The following PPP3CC variants were observed in gnomAD, a reference collection of about 807,000 sequenced individuals.
The protein encoded by PPP3CC is protein phosphatase 3 catalytic subunit gamma, also known as serine/threonine-protein phosphatase 2B catalytic subunit gamma isoform.
Under a neutral mutation model 60.3 loss-of-function variants are expected in PPP3CC, and 35 were observed. That is an observed-to-expected ratio of 0.58 (90% CI 0.44 to 0.77). PPP3CC has a LOEUF of 0.77. Ranked by LOEUF, PPP3CC falls within the 30% of genes least tolerant of loss-of-function variation. The pLI is 0.00. For synonymous variants in PPP3CC, 206 were observed against 224.3 expected (o/e 0.92, Z 0.73); for missense variants, 570 against 628.9 (o/e 0.91, Z 1.00).
At chr8:22,478,024 G>C (rs1837948404) in intron 3 of PPP3CC, among the ~76,000 whole-genome samples, 1 of 152,016 alleles carries the variant, frequency 6.6e-6, no homozygotes, top group South Asian at 2.1e-4. Context: ...CTAATTTTTT[G>C]TATTTTTAGT....
intron 3 of PPP3CC, among the ~76,000 whole-genome samples, chr8:22,483,449 G>C (rs1447035106): frequency 6.6e-6 from 1 of 152,072 alleles, no homozygotes; most frequent in Non-Finnish European, 1.5e-5. Context: ...GCTACGCCCG[G>C]CTAATTTTTT....
chr8:22,517,227 C>G lies in PPP3CC; in HGVS notation c.770+3795C>G, dbSNP rs1586855473. On this transcript the variant is annotated intron_variant, in intron 6 of 13. Transcript: ENST00000240139. ...ATCCCAGGGATAAATCCCATTTAGC[C>G]ACAGTATATAATACTTTTAGTATGT... Among the ~76,000 whole-genome samples, 3 of 152,298 alleles carry G rather than the reference C, an allele frequency of 2.0e-5. No homozygotes were observed. The South Asian group carries it at 6.2e-4, about 32-fold the overall frequency.
chr8:22,461,846 A>G (rs1409086350), intron 1 of PPP3CC, among the ~76,000 whole-genome samples: 2 of 152,234 alleles, frequency 1.3e-5, no homozygotes, highest in East Asian at 3.8e-4. Context: ...TGGAACAGCC[A>G]GTAGTTTTGC....
intron 3 of PPP3CC, chr8:22,492,667 A>G (rs947835634): frequency 1.4e-6 from 1 of 724,494 alleles, no homozygotes; most frequent in South Asian, 1.6e-5. Context: ...TGCAGGCACA[A>G]GTGCGCATTG....
intron 1 of PPP3CC, among the ~76,000 whole-genome samples, chr8:22,473,469 T>TA: frequency 3.1e-5 from 1 of 31,998 alleles, no homozygotes; most frequent in South Asian, 1.1e-3. Context: ...CCTTATCCAC[T>TA]TTTTTTTTTT....
intron 1 of PPP3CC, among the ~76,000 whole-genome samples, chr8:22,452,194 T>A (rs368842410): frequency 2.6e-5 from 4 of 152,230 alleles, no homozygotes; most frequent in African/African-American, 9.6e-5. Flanking sequence ...CATGTCTGGC[T>A]AAATGTTTTA....
At chr8:22,477,835 A>ATATTTATT (rs373116798) in intron 3 of PPP3CC, among the ~76,000 whole-genome samples, 3,632 of 151,346 alleles carry the variant, frequency 0.024, 90 homozygotes, top group East Asian at 0.082. Context: ...AACTTTTAAA[A>ATATTTATT]TATTTATTTA....
At chr8:22,460,970 C>T (rs942818756) in intron 1 of PPP3CC, among the ~76,000 whole-genome samples, 11 of 152,038 alleles carry the variant, frequency 7.2e-5, no homozygotes, top group African/African-American at 1.9e-4. Flanking sequence ...CTTAGCCTCC[C>T]GAGTAGCTGG....
chr8:22,502,984 A>G (rs1838806093), intron 4 of PPP3CC, among the ~76,000 whole-genome samples: 1 of 152,176 alleles, frequency 6.6e-6, no homozygotes, highest in Admixed American at 6.5e-5. Context: ...AGCTGGGACT[A>G]TAAGTGCATG....
chr8:22,444,218 T>C (rs1836758274), intron 1 of PPP3CC, among the ~76,000 whole-genome samples: 1 of 149,984 alleles, frequency 6.7e-6, no homozygotes, highest in Non-Finnish European at 1.5e-5. Context: ...ATTGTGCCAC[T>C]GTACTGTAGC....
At chr8:22,530,554 C>T (rs928282952) in intron 10 of PPP3CC, among the ~76,000 whole-genome samples, 12 of 150,496 alleles carry the variant, frequency 8.0e-5, no homozygotes, top group Admixed American at 5.9e-4. Flanking sequence ...AAGAATGGGC[C>T]GGGCATAGTG....
At position 22,475,082 on chromosome 8, in the gene PPP3CC, A is replaced by G. The variant is rs1332872876; in HGVS notation, c.178A>G (p.Ile60Val). 3.7e-6 allele frequency: 6 copies of G among 1,613,796 alleles called. No individual in the cohort carries two copies. Among genetic ancestry groups the G allele is most frequent in the Non-Finnish European group, 5.1e-6 (6 of 1,179,862 alleles). ...ACTGGAAGAGGAAGTAGCCTTAAAGATAATCAATGATGGGGCTGCCATCCT... is the reference window on the plus strand; with the variant it reads ...ACTGGAAGAGGAAGTAGCCTTAAAGGTAATCAATGATGGGGCTGCCATCCT... ...GRLEEEVALK[I>V]INDGAAILRQ... Residue 60 changes from isoleucine to valine, a missense_variant, in exon 2 of 14, where the codon ATA becomes GTA. Coordinates refer to ENST00000240139, the MANE Select transcript of PPP3CC (RefSeq NM_005605.5).
At chr8:22,528,398 A>C (rs1839616048) in intron 9 of PPP3CC, 108 bp from the exon 10 acceptor site, 2 of 556,334 alleles carry the variant, frequency 3.6e-6, no homozygotes, top group South Asian at 1.1e-4. Flanking sequence ...ATGATAAATA[A>C]TTTTTGCTTA....
chr8:22,522,608 T>A, intron 7 of PPP3CC, 40 bp downstream of exon 7: 2 of 1,592,846 alleles, frequency 1.3e-6, no homozygotes, highest in Non-Finnish European at 8.6e-7. Flanking sequence ...CGCTGCAGAG[T>A]CTTTGCATTT....
chr8:22,505,024 ATTTTTT>A lies in PPP3CC; in HGVS notation c.485-6047_485-6042del, dbSNP rs34116717. Among the ~76,000 whole-genome samples the A allele has an allele frequency of 7.8e-5, 9 of 115,962 alleles. No individual in the cohort carries two copies. In the East Asian group the frequency reaches 9.8e-4, roughly 13 times the overall value. 76.1% of individuals were successfully genotyped at this position (115,962 alleles called of 152,430 possible). On this transcript the variant is annotated intron_variant, in intron 4 of 13. Transcript: ENST00000240139. ...ATGAATTTCTTATTTCCACGAACCT[ATTTTTT>A]TTTTTTTTTTTTTTGATAGGGAGTC...
At chr8:22,513,686 G>C (rs1385980034) in intron 6 of PPP3CC, among the ~76,000 whole-genome samples, 1 of 152,102 alleles carries the variant, frequency 6.6e-6, no homozygotes, top group Non-Finnish European at 1.5e-5. Context: ...GACTCTAAGT[G>C]ATCTAGACTA....
intron 1 of PPP3CC, among the ~76,000 whole-genome samples, chr8:22,461,576 C>A (rs6995947): frequency 0.011 from 1,727 of 151,942 alleles, 29 homozygotes; most frequent in African/African-American, 0.037. Context: ...TGTCAGCCAC[C>A]AGTTTCCTGC....
At position 22,522,720 on chromosome 8, in the gene PPP3CC, C is replaced by T; in HGVS notation, c.914C>T (p.Pro305Leu). 1.3e-6 allele frequency: 2 copies of T among 1,597,868 alleles called. No individual in the cohort carries two copies. Among genetic ancestry groups the T allele is most frequent in the Non-Finnish European group, 1.7e-6 (2 of 1,165,552 alleles). The change falls in exon 8 of 14, where the codon CCC becomes CTC. Residue 305 changes from proline to leucine, a missense_variant. Pro to Leu is a moderately conservative substitution (Grantham distance 98). Transcript: ENST00000240139. ...FPSLITIFSA[P>L]NYLDVYNNKA... is the part of the protein sequence containing the mutation. ...TCACTTATTACAATTTTCTCTGCCC[C>T]CAATTACCTAGATGTCTATAACAAT...
At chr8:22,516,205 G>T (rs538967102) in intron 6 of PPP3CC, among the ~76,000 whole-genome samples, 19 of 152,142 alleles carry the variant, frequency 1.2e-4, no homozygotes, top group Non-Finnish European at 2.4e-4. Flanking sequence ...CTCCCAAAGT[G>T]CTGGGATTAC....
Sources: allele counts gnomAD v4.1 joint callset (sites outside exome capture counted in the v4.1 genomes callset), GRCh38; gene constraint gnomAD v4.1.1; transcripts MANE v1.5; gene names NCBI Gene and HGNC (gene_info 2026-07-23, HGNC 2026-07-21).